Variants in IAPP observed in about 807,000 individuals in gnomAD.
The protein encoded by IAPP is islet amyloid polypeptide, also known as Islet amyloid polypeptide (diabetes-associated peptide; amylin).
A neutral mutation model predicts 2.9 loss-of-function variants in IAPP; 4 were observed. The observed-to-expected ratio is 1.39, with a 90% CI of 0.69 to 3.19. IAPP has a LOEUF of 3.19. Among genes scored for constraint, IAPP ranks in the 30% most tolerant of loss-of-function variants. The probability of loss-of-function intolerance (pLI) is 0.01; values close to 1 mark genes in which losing one functional copy is unlikely to be tolerated. For synonymous variants in IAPP, 40 were observed against 42.1 expected, an observed-to-expected ratio of 0.95 and a Z score of 0.19; for missense variants, 114 against 105.3, an observed-to-expected ratio of 1.08 and a Z score of -0.36.
chr12:21,378,534 G>A lies in IAPP; in HGVS notation c.*108G>A. Reference sequence around the variant, plus strand: ...TGAATATATGGTCTGTGTGTCTGATGTTTGTTGCTAGGACATATACCTTCT... The same window carrying A: ...TGAATATATGGTCTGTGTGTCTGATATTTGTTGCTAGGACATATACCTTCT... On this transcript the variant is annotated 3_prime_UTR_variant, in exon 3 of 3. Coordinates refer to ENST00000240652, the MANE Select transcript of IAPP (RefSeq NM_000415.3). 1.1e-6 allele frequency: 1 copy of A among 938,582 alleles called. No individual in the cohort carries two copies. 58.1% of individuals were successfully genotyped at this position (938,582 alleles called of 1,614,324 possible).
In IAPP at chr12:21,379,112, G is replaced by C. The variant is rs923390556; in HGVS notation, c.*686G>C. On this transcript the variant is annotated 3_prime_UTR_variant, in exon 3 of 3. Coordinates refer to ENST00000240652, the MANE Select transcript of IAPP (RefSeq NM_000415.3). ...AAAATTAGTAATTGTAAGTACCCCT[G>C]ATAAGCAAATTAGTAATTGTCAATA... is the stretch of plus-strand genomic sequence containing the variant. The C allele has an allele frequency of 2.6e-5, 4 of 152,116 alleles. No homozygotes were observed. Among genetic ancestry groups the C allele is most frequent in the African/African-American group, 9.7e-5 (4 of 41,406 alleles). The allele number at this position is 152,116 out of a possible 1,614,324, so 9.4% of individuals were successfully genotyped here. A position where few individuals can be genotyped will look rare whatever the true frequency, so the allele number is the denominator to read the frequency against.
chr12:21,369,905 C>A (rs1229448275), upstream of IAPP, among the ~76,000 whole-genome samples: 1 of 152,166 alleles, frequency 6.6e-6, no homozygotes, highest in Admixed American at 6.5e-5. Context: ...ATTAGTGCTA[C>A]AGGGAGCATG....
intron 2 of IAPP, among the ~76,000 whole-genome samples, chr12:21,375,183 A>G (rs1940099435): frequency 6.6e-6 from 1 of 152,176 alleles, no homozygotes; most frequent in Non-Finnish European, 1.5e-5. Flanking sequence ...AGCAATATGT[A>G]ATATAATATT....
chr12:21,363,913 C>A (rs1434742573), intron 1 of IAPP, among the ~76,000 whole-genome samples: 4 of 152,026 alleles, frequency 2.6e-5, no homozygotes. Flanking sequence ...TAATAGCCTA[C>A]CAACCAAAAA....
chr12:21,373,827 T>C (rs1412668993), intron 2 of IAPP: 3 of 556,534 alleles, frequency 5.4e-6, no homozygotes, highest in African/African-American at 1.9e-5. Context: ...TCTTTTTGTA[T>C]ATATTACTTA....
chr12:21,378,207 T>C, intron 2 of IAPP, 30 bp from the exon 3 acceptor site: 9 of 1,607,166 alleles, frequency 5.6e-6, no homozygotes, highest in Non-Finnish European at 7.7e-6. Context: ...TCTAAGGCTC[T>C]AACTTTTCAC....
In IAPP at chr12:21,373,332, T is replaced by G. The variant is rs772913781; in HGVS notation, c.-15-5T>G. 1.7e-5 allele frequency: 27 copies of G among 1,560,978 alleles called. No individual in the cohort carries two copies. The highest frequency in any genetic ancestry group is 2.2e-5 in the Non-Finnish European group (25 of 1,131,940). The stretch of plus-strand genomic sequence containing the variant: ...TTGATTTCAGTGCTGGATTATTCTT[T>G]GCAGAAAATTTGAGAAGCAATGGGC... On this transcript the variant is annotated splice_region_variant and splice_polypyrimidine_tract_variant and intron_variant, in intron 1 of 2. Transcript: ENST00000240652.
At chr12:21,365,532 C>A (rs145913713) in intron 1 of IAPP, among the ~76,000 whole-genome samples, 9,858 of 152,086 alleles carry the variant, frequency 0.065, 348 homozygotes, top group Middle Eastern at 0.14. Context: ...GCAACAAAAG[C>A]CAAAATTGAC....
At chr12:21,363,379 G>A (rs1051555187) in intron 1 of IAPP, among the ~76,000 whole-genome samples, 1 of 152,116 alleles carries the variant, frequency 6.6e-6, no homozygotes, top group Non-Finnish European at 1.5e-5. Flanking sequence ...CAGAATCTCT[G>A]GGACACATTT....
chr12:21,359,367 A>C (rs61927808), intron 1 of IAPP, among the ~76,000 whole-genome samples: 14 of 152,240 alleles, frequency 9.2e-5, no homozygotes, highest in Non-Finnish European at 1.8e-4. Flanking sequence ...CTCTTCCTCA[A>C]CTTGACTATT....
At chr12:21,365,297 A>G in intron 1 of IAPP, among the ~76,000 whole-genome samples, 1 of 152,210 alleles carries the variant, frequency 6.6e-6, no homozygotes. Context: ...GAAATGGGGA[A>G]AGGATTCCCT....
upstream of IAPP, among the ~76,000 whole-genome samples, chr12:21,368,006 C>A (rs577931141): frequency 4.0e-4 from 61 of 152,092 alleles, 1 homozygote; most frequent in South Asian, 9.1e-3. Context: ...ATTTTTCAAC[C>A]CCTAATAAAA....
At chr12:21,377,205 C>G (rs1365209982) in intron 2 of IAPP, among the ~76,000 whole-genome samples, 5 of 151,900 alleles carry the variant, frequency 3.3e-5, no homozygotes, top group Non-Finnish European at 7.4e-5. Context: ...AACATTTAAC[C>G]TAGTCTTATC....
At chr12:21,357,294 G>GAC (rs1309200285) in intron 1 of IAPP, among the ~76,000 whole-genome samples, 2 of 152,072 alleles carry the variant, frequency 1.3e-5, no homozygotes, top group African/African-American at 2.4e-5. Context: ...TGGTCACAGA[G>GAC]ACACACACAC....
At chr12:21,359,803 G>A (rs1444726985) in intron 1 of IAPP, among the ~76,000 whole-genome samples, 1 of 151,110 alleles carries the variant, frequency 6.6e-6, no homozygotes, top group Non-Finnish European at 1.5e-5. Flanking sequence ...TTAAACAAGA[G>A]AAAAGAAGAA....
intron 1 of IAPP, among the ~76,000 whole-genome samples, chr12:21,360,799 A>AT (rs1938792877): frequency 6.6e-6 from 1 of 152,198 alleles, no homozygotes; most frequent in Non-Finnish European, 1.5e-5. Flanking sequence ...CTAGCACAGC[A>AT]GTCTGAGATG....
chr12:21,374,183 C>CACG (rs1940014612), intron 2 of IAPP, among the ~76,000 whole-genome samples: 1 of 152,136 alleles, frequency 6.6e-6, no homozygotes, highest in African/African-American at 2.4e-5. Flanking sequence ...TTAAGGACAT[C>CACG]TAACAACTAT....
intron 1 of IAPP, among the ~76,000 whole-genome samples, chr12:21,361,872 C>A (rs1017111890): frequency 7.9e-5 from 12 of 152,182 alleles, no homozygotes; most frequent in Admixed American, 4.6e-4. Context: ...ATGAACAAAG[C>A]CTCCAAGAAA....
intron 2 of IAPP, among the ~76,000 whole-genome samples, chr12:21,377,404 T>C (rs1940279777): frequency 6.6e-6 from 1 of 152,240 alleles, no homozygotes; most frequent in Admixed American, 6.5e-5. Context: ...TTTCATTTTA[T>C]TGTTTTAAGA....
Sources: allele counts gnomAD v4.1 joint callset (sites outside exome capture counted in the v4.1 genomes callset), GRCh38; gene constraint gnomAD v4.1.1; transcripts MANE v1.5; gene names NCBI Gene and HGNC (gene_info 2026-07-23, HGNC 2026-07-21).